The following NLK variants were observed in gnomAD, a reference collection of about 807,000 sequenced individuals.
NLK encodes the protein serine/threonine-protein kinase NLK.
In NLK, 11 loss-of-function variants were observed where a neutral mutation model predicts 59.0. That is an observed-to-expected ratio of 0.19 (90% CI 0.12 to 0.31). The LOEUF is 0.31. NLK is among the 10% of genes least tolerant of loss of function. The pLI is 1.00. For missense variants in NLK, 410 were observed against 661.1 expected, an observed-to-expected ratio of 0.62 and a Z score of 4.16; for synonymous variants, 235 against 235.9, an observed-to-expected ratio of 1.00 and a Z score of 0.03.
chr17:28,134,326 G>A (rs138093256), intron 3 of NLK, among the ~76,000 whole-genome samples: 10 of 152,246 alleles, frequency 6.6e-5, no homozygotes, highest in East Asian at 3.9e-4. Context: ...AGCTGAGCCC[G>A]GGAGGTCGAG....
chr17:28,128,650 A>T (rs1009361495), intron 2 of NLK, among the ~76,000 whole-genome samples: 1 of 152,218 alleles, frequency 6.6e-6, no homozygotes, highest in Non-Finnish European at 1.5e-5. Context: ...AAAAAGACTG[A>T]CAATACCAAC....
chr17:28,089,353 T>TA (rs1378013462), intron 1 of NLK, among the ~76,000 whole-genome samples: 4 of 152,218 alleles, frequency 2.6e-5, no homozygotes, highest in Non-Finnish European at 5.9e-5. Flanking sequence ...CTGGCTTCTT[T>TA]CACGCAGCTT....
intron 1 of NLK, among the ~76,000 whole-genome samples, chr17:28,117,648 T>C (rs1428400389): frequency 4.6e-5 from 7 of 152,222 alleles, no homozygotes; most frequent in African/African-American, 1.7e-4. Context: ...TCAGCCTTGG[T>C]TTAGCTATCA....
chr17:28,196,175 A>G lies in NLK; in HGVS notation c.*1539A>G, dbSNP rs75297922. ...GGTGCAATATCTTTGTTTTTTTTTTATGAGGCTCCTGAGAATCAACCCAAC... is the reference window on the plus strand; with the variant it reads ...GGTGCAATATCTTTGTTTTTTTTTTGTGAGGCTCCTGAGAATCAACCCAAC... On this transcript the variant is annotated 3_prime_UTR_variant, in exon 11 of 11. Transcript: ENST00000407008. The G allele has an allele frequency of 6.6e-6, 1 of 151,966 alleles. No homozygotes were observed. The highest frequency in any genetic ancestry group is 1.5e-5 in the Non-Finnish European group (1 of 67,854). 9.4% of individuals were successfully genotyped at this position (151,966 alleles called of 1,614,324 possible).
At chr17:28,093,848 TG>T (rs1904600861) in intron 1 of NLK, among the ~76,000 whole-genome samples, 1 of 152,272 alleles carries the variant, frequency 6.6e-6, no homozygotes, top group African/African-American at 2.4e-5. Flanking sequence ...TGTGTTTTAC[TG>T]GACTAATGGT....
intron 6 of NLK, among the ~76,000 whole-genome samples, chr17:28,170,907 G>A (rs891903803): frequency 6.6e-6 from 1 of 152,198 alleles, no homozygotes; most frequent in African/African-American, 2.4e-5. Context: ...AATTGTTGGT[G>A]TGTGTTGGGG....
At chr17:28,126,696 C>A (rs1021706888) in intron 2 of NLK, among the ~76,000 whole-genome samples, 6 of 152,216 alleles carry the variant, frequency 3.9e-5, no homozygotes, top group African/African-American at 1.4e-4. Context: ...TACACACATA[C>A]ACACACACAT....
At chr17:28,120,114 T>C (rs1363799658) in intron 1 of NLK, among the ~76,000 whole-genome samples, 1 of 152,158 alleles carries the variant, frequency 6.6e-6, no homozygotes, top group Non-Finnish European at 1.5e-5. Context: ...GATACTGAAG[T>C]AGTATATTTA....
At chr17:28,134,850 T>C (rs1475372419) in intron 3 of NLK, among the ~76,000 whole-genome samples, 2 of 152,186 alleles carry the variant, frequency 1.3e-5, no homozygotes, top group African/African-American at 4.8e-5. Context: ...AGTACAAAAT[T>C]AACCTAAGGG....
intron 8 of NLK, among the ~76,000 whole-genome samples, chr17:28,189,870 C>T (rs1257194362): frequency 1.3e-5 from 2 of 152,142 alleles, no homozygotes; most frequent in Non-Finnish European, 2.9e-5. Flanking sequence ...ATCAAGTATA[C>T]GTTTGCCTGT....
intron 1 of NLK, chr17:28,116,473 A>C (rs1345777920): frequency 6.6e-6 from 1 of 152,538 alleles, no homozygotes; most frequent in Non-Finnish European, 1.5e-5. Context: ...TACTGTTGAT[A>C]TGTTCAATTT....
Position 28,167,783 on chromosome 17 carries a change from C to T in NLK, c.838-665C>T, listed in dbSNP as rs570595741. On this transcript the variant is annotated intron_variant, in intron 5 of 10. Coordinates refer to ENST00000407008, the MANE Select transcript of NLK (RefSeq NM_016231.5). ...GACTGAGGTGGGAGGAGCCTCAGAT[C>T]GATCACGCCACTGCACTCCAGCCAG... is the stretch of plus-strand genomic sequence containing the variant. Among the ~76,000 whole-genome samples the T allele has an allele frequency of 4.0e-5, 6 of 151,622 alleles. 1 individual carries two copies. The South Asian group carries it at 1.0e-3, about 26-fold the overall frequency.
rs1318393383 is a variant in NLK, at chr17:28,132,604, T to C, written c.589-16T>C. 6.3e-7 allele frequency: 1 copy of C among 1,596,328 alleles called. No homozygotes were observed. Among genetic ancestry groups the C allele is most frequent in the South Asian group, 1.1e-5 (1 of 87,482 alleles). On this transcript the variant is annotated splice_polypyrimidine_tract_variant and intron_variant, in intron 2 of 10. Coordinates refer to ENST00000407008, the MANE Select transcript of NLK (RefSeq NM_016231.5). ...TTTTTGTTCTCTAAATTTGACTTTTTTTTTCCTTTTCTCAGGTACTCTCTG... is the reference window on the plus strand; with the variant it reads ...TTTTTGTTCTCTAAATTTGACTTTTCTTTTCCTTTTCTCAGGTACTCTCTG...
In NLK at chr17:28,125,428, T is replaced by TA. The variant is rs369738122; in HGVS notation, c.588+2700dup. Among the ~76,000 whole-genome samples the TA allele has an allele frequency of 5.3e-5, 8 of 152,320 alleles. 1 individual carries two copies. The highest frequency in any genetic ancestry group is 1.7e-4 in the African/African-American group (7 of 41,576). On this transcript the variant is annotated intron_variant, in intron 2 of 10. Coordinates refer to ENST00000407008, the MANE Select transcript of NLK (RefSeq NM_016231.5). Reference sequence around the variant, plus strand: ...TTTTTCATTTTCGAAGCAGGCATGGTAAAAGCAGAAATAACTGTGTATGAT... The same window carrying TA: ...TTTTTCATTTTCGAAGCAGGCATGGTAAAAAGCAGAAATAACTGTGTATGAT...
At chr17:28,139,678 A>T (rs1020912327) in intron 3 of NLK, among the ~76,000 whole-genome samples, 1 of 152,206 alleles carries the variant, frequency 6.6e-6, no homozygotes, top group African/African-American at 2.4e-5. Flanking sequence ...AAATTACTTT[A>T]TTCATATCTC....
In NLK at chr17:28,191,043, A is replaced by G; in HGVS notation, c.1259A>G (p.Asp420Gly). 1.2e-6 allele frequency: 2 copies of G among 1,603,390 alleles called. No individual in the cohort carries two copies. The highest frequency in any genetic ancestry group is 1.7e-6 in the Non-Finnish European group (2 of 1,176,604). ...CAGTCCAAAAGAATATCCGCTAAGG[A>G]TGCCTTAGCCCACCCCTACCTAGAT... ...FDPSKRISAK[D>G]ALAHPYLDEG... Residue 420 changes from aspartate to glycine, a missense_variant, in exon 9 of 11, where the codon GAT (aspartate) becomes GGT (glycine). By Grantham distance (94) the Asp-to-Gly change is moderately conservative. Coordinates refer to ENST00000407008, the MANE Select transcript of NLK (RefSeq NM_016231.5).
intron 1 of NLK, among the ~76,000 whole-genome samples, chr17:28,118,355 C>T (rs1386783913): frequency 6.6e-6 from 1 of 152,148 alleles, no homozygotes; most frequent in Non-Finnish European, 1.5e-5. Context: ...AGTTGAAGCA[C>T]TCTTTTTATT....
At chr17:28,123,045 A>G (rs888364610) in intron 2 of NLK, among the ~76,000 whole-genome samples, 6 of 152,082 alleles carry the variant, frequency 3.9e-5, no homozygotes, top group African/African-American at 1.4e-4. Context: ...TTAAATTTTC[A>G]CTATTGAGAT....
intron 1 of NLK, among the ~76,000 whole-genome samples, chr17:28,109,490 T>C (rs958859723): frequency 1.3e-5 from 2 of 152,212 alleles, no homozygotes; most frequent in African/African-American, 4.8e-5. Context: ...AATTTTAGAA[T>C]ATTTTCATCA....
Sources: allele counts gnomAD v4.1 joint callset (sites outside exome capture counted in the v4.1 genomes callset), GRCh38; gene constraint gnomAD v4.1.1; transcripts MANE v1.5; gene names NCBI Gene and HGNC (gene_info 2026-07-23, HGNC 2026-07-21).